POLN: variants seen among roughly 807,000 people sequenced by gnomAD.
POLN encodes DNA polymerase N.
A neutral mutation model predicts 113.5 loss-of-function variants in POLN; 108 were observed. The ratio of observed to expected loss-of-function variants is 0.95; its 90% CI spans 0.81 to 1.12. The LOEUF (loss-of-function observed/expected upper bound fraction) is 1.12, where lower values mean the gene tolerates loss of function less well. POLN is among the 50% of genes most tolerant of loss of function. POLN has a pLI of 0.00. For synonymous variants in POLN, 386 were observed against 391.5 expected, an observed-to-expected ratio of 0.99 and a Z score of 0.17; for missense variants, 1,097 against 1,077.1, an observed-to-expected ratio of 1.02 and a Z score of -0.26.
chr4:2,239,150 A>T (rs990785026), intron 2 of POLN: 22 of 551,398 alleles, frequency 4.0e-5, no homozygotes, highest in East Asian at 1.2e-4. Flanking sequence ...AAGCTCAATG[A>T]ATGAAAACTA....
chr4:2,234,100 C>T (rs1452299583), intron 2 of POLN, among the ~76,000 whole-genome samples: 1 of 152,116 alleles, frequency 6.6e-6, no homozygotes, highest in Admixed American at 6.5e-5. Flanking sequence ...CAATAACCAG[C>T]TACAAAATTG....
At chr4:2,161,633 C>T (rs1732593747) in intron 13 of POLN, among the ~76,000 whole-genome samples, 2 of 152,232 alleles carry the variant, frequency 1.3e-5, no homozygotes, top group African/African-American at 4.8e-5. Flanking sequence ...CATCGACCAC[C>T]CAAAGGCTGA....
intron 19 of POLN, among the ~76,000 whole-genome samples, chr4:2,115,056 TTTG>T (rs1041737669): frequency 4.6e-5 from 7 of 151,202 alleles, no homozygotes; most frequent in African/African-American, 1.7e-4. Context: ...TTAGTTTTTG[TTTG>T]TTTTTTGAGA....
intron 5 of POLN, among the ~76,000 whole-genome samples, chr4:2,203,373 A>C (rs1317924580): frequency 6.6e-6 from 1 of 151,790 alleles, no homozygotes; most frequent in Non-Finnish European, 1.5e-5. Flanking sequence ...CAAGGTCAGG[A>C]GATCGAGACC....
intron 4 of POLN, among the ~76,000 whole-genome samples, chr4:2,209,335 T>C (rs1347734999): frequency 2.0e-5 from 3 of 151,224 alleles, no homozygotes; most frequent in Non-Finnish European, 3.0e-5. Flanking sequence ...CAAAAATTAG[T>C]TGGGCATGGT....
At chr4:2,086,631 A>G (rs1355635836) in intron 20 of POLN, among the ~76,000 whole-genome samples, 2 of 152,178 alleles carry the variant, frequency 1.3e-5, no homozygotes, top group African/African-American at 4.8e-5. Context: ...TAATGTAAAT[A>G]GAGAATGAGG....
At chr4:2,233,967 A>G (rs976999577) in intron 2 of POLN, among the ~76,000 whole-genome samples, 10 of 152,150 alleles carry the variant, frequency 6.6e-5, no homozygotes, top group African/African-American at 2.4e-4. Context: ...CAATGACCCT[A>G]TTTCCAAGAA....
chr4:2,137,503 G>A (rs1446144370), intron 16 of POLN, among the ~76,000 whole-genome samples: 1 of 152,214 alleles, frequency 6.6e-6, no homozygotes, highest in African/African-American at 2.4e-5. Context: ...GACCTAAGCA[G>A]CTCGTGGAGC....
At chr4:2,161,322 G>C (rs1021445387) in intron 13 of POLN, among the ~76,000 whole-genome samples, 1 of 152,222 alleles carries the variant, frequency 6.6e-6, no homozygotes, top group African/African-American at 2.4e-5. Flanking sequence ...AGGCCAGCTG[G>C]AGTTCAGGGT....
intron 8 of POLN, among the ~76,000 whole-genome samples, chr4:2,178,342 G>A (rs1344500757): frequency 1.3e-5 from 2 of 152,216 alleles, no homozygotes; most frequent in Non-Finnish European, 2.9e-5. Flanking sequence ...GTGATTGCTT[G>A]AGCTAGCTCA....
At chr4:2,179,243 A>C (rs1415048520) in intron 8 of POLN, 65 bp downstream of exon 8, 2 of 1,431,414 alleles carry the variant, frequency 1.4e-6, no homozygotes, top group African/African-American at 2.9e-5. Context: ...TCAATAAAAT[A>C]GAAAAAGCTT....
chr4:2,091,002 G>C (rs1206866012), intron 20 of POLN, among the ~76,000 whole-genome samples: 3 of 152,188 alleles, frequency 2.0e-5, no homozygotes, highest in Non-Finnish European at 1.5e-5. Context: ...TTCTAGCAGA[G>C]TTTCTGTCCC....
chr4:2,179,277 G>T, intron 8 of POLN, 31 bp downstream of exon 8: 1 of 1,584,346 alleles, frequency 6.3e-7, no homozygotes. Context: ...GATGTATTAA[G>T]GTTGATAAAA....
intron 13 of POLN, among the ~76,000 whole-genome samples, chr4:2,161,968 T>G (rs551779716): frequency 6.6e-6 from 1 of 152,210 alleles, no homozygotes; most frequent in East Asian, 1.9e-4. Flanking sequence ...ATGGAGAACC[T>G]TTGTGTCTAG....
intron 21 of POLN, among the ~76,000 whole-genome samples, chr4:2,084,788 T>TA (rs1730510491): frequency 6.6e-6 from 1 of 152,336 alleles, no homozygotes; most frequent in African/African-American, 2.4e-5. Flanking sequence ...CTCCAGCTGA[T>TA]TTCCTCACTC....
intron 7 of POLN, among the ~76,000 whole-genome samples, chr4:2,187,887 G>A (rs929625019): frequency 1.3e-5 from 2 of 152,174 alleles, no homozygotes; most frequent in Admixed American, 1.3e-4. Context: ...AAGGCAGGAG[G>A]ATTGCTTCAG....
At chr4:2,238,775 A>G (rs1254961110) in intron 2 of POLN, 1 of 1,613,790 alleles carries the variant, frequency 6.2e-7, no homozygotes, top group Non-Finnish European at 8.5e-7. Flanking sequence ...TCTTAATTCA[A>G]TTTCATATGA....
At chr4:2,130,418 C>G (rs1731697638) in intron 17 of POLN, among the ~76,000 whole-genome samples, 1 of 152,112 alleles carries the variant, frequency 6.6e-6, no homozygotes, top group East Asian at 1.9e-4. Context: ...GCGCCACTGC[C>G]AAGGGTAGGA....
At chr4:2,230,837 T>G (rs973465750) in intron 2 of POLN, 1 of 152,220 alleles carries the variant, frequency 6.6e-6, no homozygotes, top group Admixed American at 6.5e-5. Flanking sequence ...TAATAACAGA[T>G]GAGCTACTTC....
Sources: allele counts gnomAD v4.1 joint callset (sites outside exome capture counted in the v4.1 genomes callset), GRCh38; gene constraint gnomAD v4.1.1; transcripts MANE v1.5; gene names NCBI Gene and HGNC (gene_info 2026-07-23, HGNC 2026-07-21).